Variants in NFIB observed in about 807,000 individuals in gnomAD.
The protein encoded by NFIB is nuclear factor I B.
Under a neutral mutation model 61.5 loss-of-function variants are expected in NFIB, and 11 were observed. The ratio of observed to expected loss-of-function variants is 0.18; its 90% CI spans 0.11 to 0.30. NFIB has a LOEUF of 0.30. Ranked by LOEUF, NFIB falls within the 10% of genes least tolerant of loss-of-function variation. NFIB has a pLI of 1.00. For missense variants in NFIB, 471 were observed against 608.9 expected (o/e 0.77, Z 2.38); for synonymous variants, 260 against 216.5 (o/e 1.20, Z -1.76).
the NFIB span, among the ~76,000 whole-genome samples, chr9:14,418,830 C>T: frequency 3.9e-5 from 6 of 152,022 alleles, no homozygotes; most frequent in Non-Finnish European, 8.8e-5. Context: ...TTTATTGGTG[C>T]GTTAACTAAA....
chr9:14,379,008 C>T (rs905433353), intron 1 of NFIB, among the ~76,000 whole-genome samples: 2 of 152,150 alleles, frequency 1.3e-5, no homozygotes, highest in Admixed American at 6.5e-5. Flanking sequence ...TAGAGAGGCA[C>T]GCATTGTTGC....
intron 1 of NFIB, among the ~76,000 whole-genome samples, chr9:14,342,314 G>A (rs1432512095): frequency 2.0e-5 from 3 of 152,130 alleles, no homozygotes; most frequent in Admixed American, 1.3e-4. Context: ...TTCATTACTG[G>A]GACTCAAGGA....
At chr9:14,161,134 C>T (rs2044155325) in intron 3 of NFIB, among the ~76,000 whole-genome samples, 1 of 152,084 alleles carries the variant, frequency 6.6e-6, no homozygotes, top group South Asian at 2.1e-4. Flanking sequence ...CACAACTAAC[C>T]CATTGGTAAT....
chr9:14,200,118 G>GT (rs2048873180), intron 2 of NFIB, among the ~76,000 whole-genome samples: 2 of 152,128 alleles, frequency 1.3e-5, no homozygotes, highest in Non-Finnish European at 2.9e-5. Context: ...GTGCTCAGTA[G>GT]TTGGGCATAT....
At chr9:14,319,519 G>C (rs1294688844) in intron 1 of NFIB, among the ~76,000 whole-genome samples, 1 of 152,234 alleles carries the variant, frequency 6.6e-6, no homozygotes, top group Non-Finnish European at 1.5e-5. Flanking sequence ...CTTGTCTGCT[G>C]ATATTGAGAG....
chr9:14,295,531 T>A (rs1183169327), intron 2 of NFIB, among the ~76,000 whole-genome samples: 1 of 151,898 alleles, frequency 6.6e-6, no homozygotes, highest in Non-Finnish European at 1.5e-5. Context: ...CTCGGCAAGC[T>A]GAGGCAGGAG....
upstream of NFIB, among the ~76,000 whole-genome samples, chr9:14,315,708 G>A (rs977442825): frequency 6.6e-5 from 10 of 151,448 alleles, no homozygotes; most frequent in Non-Finnish European, 1.5e-4. Flanking sequence ...TTTTGAAGAA[G>A]GCGGTTCGCC....
the NFIB span, among the ~76,000 whole-genome samples, chr9:14,467,026 G>A: frequency 1.6e-4 from 24 of 152,252 alleles, no homozygotes; most frequent in African/African-American, 5.1e-4. Context: ...GTGAGATCCC[G>A]GCATGCCAGG....
intron 2 of NFIB, among the ~76,000 whole-genome samples, chr9:14,261,462 A>G (rs2056747061): frequency 6.6e-6 from 1 of 152,244 alleles, no homozygotes; most frequent in Admixed American, 6.5e-5. Flanking sequence ...AGTTGAGTCC[A>G]TTGTAGGGGC....
the NFIB span, among the ~76,000 whole-genome samples, chr9:14,523,172 G>C: frequency 6.6e-6 from 1 of 152,038 alleles, no homozygotes; most frequent in Non-Finnish European, 1.5e-5. Context: ...CATAAGAGTA[G>C]GGCAGGTGAC....
rs751279935 is a variant in NFIB, at chr9:14,219,381, TAAAAAAAAAAAA to T, written c.563-39613_563-39602del. On this transcript the variant is annotated intron_variant, in intron 2 of 10. Transcript: ENST00000380953. ...ATAGAGTCATCTTGTAGCACTAGGG[TAAAAAAAAAAAA>T]AAAAAAAAAAAGTCTAAGTTGAAGA... is the stretch of plus-strand genomic sequence containing the variant. Among the ~76,000 whole-genome samples the T allele has an allele frequency of 1.8e-4, 13 of 73,516 alleles. No individual in the cohort carries two copies. In the South Asian group the frequency reaches 7.2e-3, roughly 41 times the overall value. The allele number at this position is 73,516 out of a possible 152,430, so 48.2% of individuals were successfully genotyped here.
chr9:14,499,646 T>C, the NFIB span, among the ~76,000 whole-genome samples: 472 of 152,282 alleles, frequency 3.1e-3, 7 homozygotes, highest in African/African-American at 0.011. Flanking sequence ...ATAATGCTTG[T>C]GAAGGGGAAT....
the NFIB span, among the ~76,000 whole-genome samples, chr9:14,460,960 A>C: frequency 6.6e-6 from 1 of 152,052 alleles, no homozygotes; most frequent in Non-Finnish European, 1.5e-5. Flanking sequence ...CCAGAACTTT[A>C]TACGTCTCTG....
chr9:14,525,734 G>A, the NFIB span, among the ~76,000 whole-genome samples: 1 of 152,144 alleles, frequency 6.6e-6, no homozygotes, highest in Non-Finnish European at 1.5e-5. Context: ...GAATTTTTAT[G>A]ATTCATTTAA....
intron 1 of NFIB, among the ~76,000 whole-genome samples, chr9:14,383,843 A>G (rs2061518445): frequency 6.6e-6 from 1 of 152,228 alleles, no homozygotes; most frequent in African/African-American, 2.4e-5. Flanking sequence ...ATTAAAAGTC[A>G]GTGGGAAAGA....
At chr9:14,162,004 C>T (rs10961396) in intron 3 of NFIB, among the ~76,000 whole-genome samples, 13,473 of 152,142 alleles carry the variant, frequency 0.089, 738 homozygotes, top group East Asian at 0.17. Context: ...AAGGTCATTA[C>T]ATTAATGTTA....
chr9:14,423,205 C>T, the NFIB span, among the ~76,000 whole-genome samples: 3 of 152,126 alleles, frequency 2.0e-5, no homozygotes, highest in African/African-American at 4.8e-5. Flanking sequence ...GTAATCAGAT[C>T]GGGGCAAAAC....
chr9:14,111,633 T>A (rs1237320874), intron 10 of NFIB, among the ~76,000 whole-genome samples: 2 of 152,190 alleles, frequency 1.3e-5, no homozygotes, highest in Non-Finnish European at 2.9e-5. Flanking sequence ...CATATTCTAG[T>A]AATTATAACT....
chr9:14,486,702 C>CAT, the NFIB span, among the ~76,000 whole-genome samples: 3 of 151,808 alleles, frequency 2.0e-5, no homozygotes, highest in Non-Finnish European at 4.4e-5. Context: ...TAAATACACA[C>CAT]ACACACACAC....
Sources: gnomAD v4.1 joint callset for allele counts (sites outside exome capture counted in the v4.1 genomes callset) on GRCh38, gnomAD v4.1.1 for gene constraint, MANE v1.5 for transcripts, NCBI Gene and HGNC (gene_info 2026-07-23, HGNC 2026-07-21) for gene names.